TENT4B: variants seen among roughly 807,000 people sequenced by gnomAD.
The protein encoded by TENT4B is terminal nucleotidyltransferase 4B.
A neutral mutation model predicts 75.0 loss-of-function variants in TENT4B; 10 were observed. The observed-to-expected ratio is 0.13, with a 90% confidence interval of 0.08 to 0.23. The LOEUF is 0.23. Among genes scored for constraint, TENT4B ranks in the 10% least tolerant of loss-of-function variants. TENT4B has a pLI of 1.00. For synonymous variants in TENT4B, 350 were observed against 357.7 expected, an observed-to-expected ratio of 0.98 and a Z score of 0.24; for missense variants, 579 against 893.8, an observed-to-expected ratio of 0.65 and a Z score of 4.49.
intron 1 of TENT4B, among the ~76,000 whole-genome samples, chr16:50,155,272 G>GGTGTGTGTGTGTGTGTGT (rs60683678): frequency 0.016 from 2,101 of 135,426 alleles, 46 homozygotes; most frequent in South Asian, 0.023. Context: ...GGGTCTCGTG[G>GGTGTGTGTGTGTGTGTGT]GTGTGTGTGT....
At chr16:50,167,786 A>G (rs1436045854) in intron 1 of TENT4B, among the ~76,000 whole-genome samples, 1 of 152,036 alleles carries the variant, frequency 6.6e-6, no homozygotes, top group Non-Finnish European at 1.5e-5. Context: ...GCACCCGAGT[A>G]GCTCGGATTA....
At chr16:50,197,506 C>G (rs2030348969) in intron 1 of TENT4B, among the ~76,000 whole-genome samples, 1 of 152,174 alleles carries the variant, frequency 6.6e-6, no homozygotes, top group South Asian at 2.1e-4. Flanking sequence ...CCAGTCTGGT[C>G]TTGAACTCCT....
At chr16:50,181,926 T>C (rs2038423548) in intron 1 of TENT4B, among the ~76,000 whole-genome samples, 1 of 152,084 alleles carries the variant, frequency 6.6e-6, no homozygotes, top group Admixed American at 6.6e-5. Flanking sequence ...GTGATGTAAA[T>C]ACCAGGTGAT....
intron 1 of TENT4B, among the ~76,000 whole-genome samples, chr16:50,196,426 C>T (rs2030245812): frequency 6.6e-6 from 1 of 151,842 alleles, no homozygotes; most frequent in Admixed American, 6.6e-5. Context: ...AGTATGAGTG[C>T]CTTGTTTGTG....
In TENT4B at chr16:50,193,645, G is replaced by A. The variant is rs2030009663; in HGVS notation, c.639-17678G>A. 2.0e-5 allele frequency among the ~76,000 whole-genome samples: 3 copies of A among 151,994 alleles called. No individual in the cohort carries two copies. The South Asian group carries it at 6.2e-4, about 32-fold the overall frequency. On this transcript the variant is annotated intron_variant, in intron 1 of 11. Coordinates refer to ENST00000561678, the MANE Select transcript of TENT4B (RefSeq NM_001365324.3). ...GAGTCACCGCGCCTGGCCAGGTCCT[G>A]GAGTCTTTAAGAGGAGGTTTGTCTG...
At chr16:50,185,040 GAA>G (rs1390853640) in intron 1 of TENT4B, among the ~76,000 whole-genome samples, 2 of 152,160 alleles carry the variant, frequency 1.3e-5, no homozygotes, top group African/African-American at 4.8e-5. Flanking sequence ...AGGCGAGTGA[GAA>G]AGAGAGAGAG....
Position 50,198,119 on chromosome 16 carries a change from TA to T in TENT4B, c.639-13188del, listed in dbSNP as rs10682302. On this transcript the variant is annotated intron_variant, in intron 1 of 11. Coordinates refer to ENST00000561678, the MANE Select transcript of TENT4B (RefSeq NM_001365324.3). ...TGTAATATGTGACAGAAAATATAAT[TA>T]AAAAAAAAAAAAAAAGCCGGGCACA... is the stretch of plus-strand genomic sequence containing the variant. Among the ~76,000 whole-genome samples, 123 of 134,124 alleles carry T rather than the reference TA, an allele frequency of 9.2e-4. 1 individual carries two copies. The highest frequency in any genetic ancestry group is 1.9e-3 in the African/African-American group (68 of 35,606). 88.0% of individuals were successfully genotyped at this position (134,124 alleles called of 152,430 possible). A position where few individuals can be genotyped will look rare whatever the true frequency, so the allele number is the denominator to read the frequency against.
chr16:50,209,799 A>T (rs1260092189), intron 1 of TENT4B, among the ~76,000 whole-genome samples: 5 of 152,218 alleles, frequency 3.3e-5, no homozygotes, highest in Non-Finnish European at 5.9e-5. Flanking sequence ...AAAAATAAAA[A>T]ATCAGAAGGA....
chr16:50,192,670 C>G (rs1203551892), intron 1 of TENT4B, among the ~76,000 whole-genome samples: 4 of 152,160 alleles, frequency 2.6e-5, no homozygotes, highest in African/African-American at 7.2e-5. Context: ...AAGCCATTGA[C>G]AATATATAGA....
intron 1 of TENT4B, among the ~76,000 whole-genome samples, chr16:50,163,662 G>A (rs1038305321): frequency 6.6e-6 from 1 of 151,028 alleles, no homozygotes; most frequent in African/African-American, 2.4e-5. Flanking sequence ...GCCTCCCAAA[G>A]TACTGGGATT....
intron 1 of TENT4B, among the ~76,000 whole-genome samples, chr16:50,181,522 C>G (rs1347329900): frequency 7.2e-6 from 1 of 138,162 alleles, no homozygotes; most frequent in Admixed American, 7.9e-5. Context: ...CCAGGCTGGT[C>G]TTGAACTCCT....
In TENT4B at chr16:50,229,761, G is replaced by A; in HGVS notation, c.*433G>A. The A allele has an allele frequency of 2.0e-6, 2 of 985,256 alleles. No individual in the cohort carries two copies. The highest frequency in any genetic ancestry group is 2.4e-6 in the Non-Finnish European group (2 of 829,288). 61.0% of individuals were successfully genotyped at this position (985,256 alleles called of 1,614,324 possible). ...TCTGATAGGAAGTCCAGATTCCAAA[G>A]GGGAAAGTGATCTGTGCATGTTTTT... On this transcript the variant is annotated 3_prime_UTR_variant, in exon 12 of 12. Coordinates refer to ENST00000561678, the MANE Select transcript of TENT4B (RefSeq NM_001365324.3).
chr16:50,234,436 G>A lies in TENT4B; in HGVS notation c.*5108G>A. The A allele has an allele frequency of 1.4e-5, 14 of 985,436 alleles. No homozygotes were observed. The highest frequency in any genetic ancestry group is 1.7e-5 in the Non-Finnish European group (14 of 829,934). The allele number at this position is 985,436 out of a possible 1,614,324, so 61.0% of individuals were successfully genotyped here. A position where few individuals can be genotyped will look rare whatever the true frequency, so the allele number is the denominator to read the frequency against. On this transcript the variant is annotated 3_prime_UTR_variant, in exon 12 of 12. Coordinates refer to ENST00000561678, the MANE Select transcript of TENT4B (RefSeq NM_001365324.3). Reference sequence around the variant, plus strand: ...AAGAGAGTGAAATGATGGGTTATCAGCCACATTCTTGGAGTTAATATTTTT... The same window carrying A: ...AAGAGAGTGAAATGATGGGTTATCAACCACATTCTTGGAGTTAATATTTTT...
intron 5 of TENT4B, 111 bp downstream of exon 5, chr16:50,217,774 CTTTTAAATAGAGCTAGGG>C (rs2031636497): frequency 4.4e-5 from 28 of 632,460 alleles, no homozygotes; most frequent in Non-Finnish European, 6.2e-5. Context: ...CTCTCTCTCT[CTTTTAAATAGAGCTAGGG>C]TCTCACTCTG....
In TENT4B at chr16:50,210,412, C is replaced by T. The variant is rs184572995; in HGVS notation, c.639-911C>T. 5.7e-4 allele frequency among the ~76,000 whole-genome samples: 87 copies of T among 152,328 alleles called. 1 individual carries two copies. The highest frequency in any genetic ancestry group is 9.6e-4 in the East Asian group (5 of 5,186). On this transcript the variant is annotated intron_variant, in intron 1 of 11. Coordinates refer to ENST00000561678, the MANE Select transcript of TENT4B (RefSeq NM_001365324.3). The stretch of plus-strand genomic sequence containing the variant: ...GCCCCCCACCACCATGATAGTCAGG[C>T]GCTGCGCCTATCCGCAGGGTGTGGG...
Position 50,234,561 on chromosome 16 carries a change from G to C in TENT4B, c.*5233G>C. On this transcript the variant is annotated 3_prime_UTR_variant, in exon 12 of 12. Transcript: ENST00000561678. ...TAGTTGCAATTTATTATAATATGTT[G>C]TTTTGTCCCTGAACTTAATCTCCTA... is the stretch of plus-strand genomic sequence containing the variant. 1.0e-6 allele frequency: 1 copy of C among 982,088 alleles called. No individual in the cohort carries two copies. The allele number at this position is 982,088 out of a possible 1,614,324, so 60.8% of individuals were successfully genotyped here.
intron 1 of TENT4B, among the ~76,000 whole-genome samples, chr16:50,196,767 A>G (rs1448712200): frequency 6.6e-6 from 1 of 151,546 alleles, no homozygotes; most frequent in Non-Finnish European, 1.5e-5. Flanking sequence ...TCTCTACAAA[A>G]AAAAAAAAAA....
intron 1 of TENT4B, among the ~76,000 whole-genome samples, chr16:50,192,113 G>A (rs2038652101): frequency 6.6e-6 from 1 of 151,514 alleles, no homozygotes; most frequent in Admixed American, 6.6e-5. Flanking sequence ...ATGGTGGTAA[G>A]CACCTGTAAT....
chr16:50,164,430 T>A (rs2038061196), intron 1 of TENT4B, among the ~76,000 whole-genome samples: 2 of 152,092 alleles, frequency 1.3e-5, no homozygotes, highest in South Asian at 2.1e-4. Context: ...TGCCTCAGCC[T>A]CCCGAGTAGC....
Sources: gnomAD v4.1 joint callset for allele counts (sites outside exome capture counted in the v4.1 genomes callset) on GRCh38, gnomAD v4.1.1 for gene constraint, MANE v1.5 for transcripts, NCBI Gene and HGNC (gene_info 2026-07-23, HGNC 2026-07-21) for gene names.